Variants in PALS1 observed in about 807,000 individuals in gnomAD.
The protein encoded by PALS1 is protein PALS1.
In PALS1, 31 loss-of-function variants were observed where a neutral mutation model predicts 78.9. That is an observed-to-expected ratio of 0.39 (90% CI 0.30 to 0.53). The LOEUF is 0.53. Among genes scored for constraint, PALS1 ranks in the 20% least tolerant of loss-of-function variants. PALS1 has a pLI of 0.67. For missense variants in PALS1, 704 were observed against 826.5 expected (o/e 0.85, Z 1.82); for synonymous variants, 276 against 270.9 (o/e 1.02, Z -0.18).
intron 9 of PALS1, among the ~76,000 whole-genome samples, chr14:67,313,570 A>G (rs2085126182): frequency 6.6e-6 from 1 of 152,210 alleles, no homozygotes; most frequent in African/African-American, 2.4e-5. Flanking sequence ...GAGCAGAACT[A>G]AGGGAAGTTT....
At chr14:67,306,033 C>T (rs985891681) in intron 8 of PALS1, among the ~76,000 whole-genome samples, 2 of 152,120 alleles carry the variant, frequency 1.3e-5, no homozygotes, top group African/African-American at 2.4e-5. Flanking sequence ...GCAGTGGCAC[C>T]ATCTGGGCTC....
chr14:67,281,480 T>C (rs758354208), intron 3 of PALS1, among the ~76,000 whole-genome samples: 8 of 152,166 alleles, frequency 5.3e-5, no homozygotes, highest in Non-Finnish European at 1.2e-4. Context: ...GATTGCTTCT[T>C]ACTAGCCTTC....
chr14:67,276,245 C>T (rs1304839842), intron 2 of PALS1, among the ~76,000 whole-genome samples: 1 of 151,988 alleles, frequency 6.6e-6, no homozygotes, highest in Non-Finnish European at 1.5e-5. Context: ...CTTGTCTTTC[C>T]AGTTTTATCA....
At chr14:67,270,660 G>A (rs1191022814) in intron 2 of PALS1, 1 of 150,420 alleles carries the variant, frequency 6.6e-6, no homozygotes, top group African/African-American at 2.5e-5. Context: ...CTTTTATGAT[G>A]TATATAGACT....
At chr14:67,242,674 G>GT (rs1026471071) in intron 1 of PALS1, among the ~76,000 whole-genome samples, 9 of 151,090 alleles carry the variant, frequency 6.0e-5, no homozygotes, top group Non-Finnish European at 8.9e-5. Flanking sequence ...TTGTGGATAG[G>GT]TTTTATAGGC....
chr14:67,326,476 T>C (rs2085360897), intron 14 of PALS1, among the ~76,000 whole-genome samples: 1 of 152,110 alleles, frequency 6.6e-6, no homozygotes, highest in African/African-American at 2.4e-5. Context: ...TTCTTTTACT[T>C]TGCTGAAGTA....
chr14:67,279,054 G>T lies in PALS1; in HGVS notation c.-117G>T. On this transcript the variant is annotated 5_prime_UTR_variant, in exon 3 of 15. The change abolishes an upstream ATG in the 5' untranslated region. Transcript: ENST00000261681. Reference sequence around the variant, plus strand: ...GGATACTTTTTCATAGCATTATTATGTGATGTGAGAAGTTTTTTTTTTTGA... The same window carrying T: ...GGATACTTTTTCATAGCATTATTATTTGATGTGAGAAGTTTTTTTTTTTGA... 14 of 941,948 alleles carry T rather than the reference G, an allele frequency of 1.5e-5. No individual in the cohort carries two copies. Among genetic ancestry groups the T allele is most frequent in the Admixed American group, 3.5e-5 (1 of 28,566 alleles). 58.3% of individuals were successfully genotyped at this position (941,948 alleles called of 1,614,324 possible).
At chr14:67,278,259 C>T (rs903211474) in intron 2 of PALS1, among the ~76,000 whole-genome samples, 55 of 151,954 alleles carry the variant, frequency 3.6e-4, no homozygotes, top group African/African-American at 1.3e-3. Context: ...AGGTCTCGAA[C>T]TCCCGACCTC....
intron 1 of PALS1, among the ~76,000 whole-genome samples, chr14:67,255,933 T>C (rs2084138518): frequency 6.6e-6 from 1 of 152,246 alleles, no homozygotes; most frequent in South Asian, 2.1e-4. Flanking sequence ...GTGATCCACA[T>C]GCTTTGGCCT....
At chr14:67,249,173 G>A (rs1441856520) in intron 1 of PALS1, among the ~76,000 whole-genome samples, 2 of 152,052 alleles carry the variant, frequency 1.3e-5, no homozygotes, top group African/African-American at 4.8e-5. Context: ...TATTGGCCAG[G>A]CTGGTCTTGA....
At chr14:67,314,818 T>C (rs2085143397) in intron 9 of PALS1, among the ~76,000 whole-genome samples, 1 of 152,228 alleles carries the variant, frequency 6.6e-6, no homozygotes, top group Non-Finnish European at 1.5e-5. Flanking sequence ...AGGCTGGCCC[T>C]GGTGGCTCAC....
intron 1 of PALS1, among the ~76,000 whole-genome samples, chr14:67,253,952 TA>T (rs1342024618): frequency 1.3e-5 from 2 of 151,002 alleles, no homozygotes; most frequent in African/African-American, 2.4e-5. Context: ...TTTGTGTTAA[TA>T]TTTTGTTTTG....
chr14:67,326,077 G>T (rs143730990), intron 14 of PALS1, among the ~76,000 whole-genome samples: 1,761 of 146,430 alleles, frequency 0.012, 18 homozygotes, highest in Middle Eastern at 0.018. Context: ...CAGCCTCCTC[G>T]GCCTCCCAAA....
intron 3 of PALS1, among the ~76,000 whole-genome samples, chr14:67,288,964 C>CTTTTT (rs36044460): frequency 1.9e-5 from 2 of 107,078 alleles, no homozygotes; most frequent in East Asian, 2.4e-4. Context: ...TCTTTATTTC[C>CTTTTT]TTTTTTTTTT....
chr14:67,327,588 C>T (rs1025885642), intron 14 of PALS1, among the ~76,000 whole-genome samples: 9 of 152,108 alleles, frequency 5.9e-5, no homozygotes, highest in South Asian at 2.1e-4. Flanking sequence ...GTGCTGCACC[C>T]GTTAACTCGT....
Position 67,332,996 on chromosome 14 carries a change from C to A in PALS1, c.*40C>A. ...CTGTGGCATGTTGGACTTGATCTGG[C>A]AAAAACTGCCAATAGGAGGACTGCC... On this transcript the variant is annotated 3_prime_UTR_variant, in exon 15 of 15. Transcript: ENST00000261681. 1.9e-6 allele frequency: 3 copies of A among 1,559,222 alleles called. No homozygotes were observed. The highest frequency in any genetic ancestry group is 2.6e-6 in the Non-Finnish European group (3 of 1,143,030).
chr14:67,303,606 GATTTTTAAATGTTC>G lies in PALS1; in HGVS notation c.1041+11_1041+24del, dbSNP rs2084959817. Reference sequence around the variant, plus strand: ...TCCTGCCAAGGAAACAGTAGTAAGTGATTTTTAAATGTTCATTATTTATGTGTTTGTGGATGCTG... The same window carrying G: ...TCCTGCCAAGGAAACAGTAGTAAGTGATTATTTATGTGTTTGTGGATGCTG... On this transcript the variant is annotated splice_region_variant and intron_variant, in intron 8 of 14. Transcript: ENST00000261681. The G allele has an allele frequency of 1.2e-6, 2 of 1,603,976 alleles. No individual in the cohort carries two copies. Among genetic ancestry groups the G allele is most frequent in the South Asian group, 2.2e-5 (2 of 90,864 alleles).
intron 1 of PALS1, among the ~76,000 whole-genome samples, chr14:67,259,740 T>G (rs780786325): frequency 1.1e-4 from 17 of 152,008 alleles, no homozygotes; most frequent in Non-Finnish European, 2.2e-4. Flanking sequence ...GAAGACTCCA[T>G]CTATACAAAA....
At chr14:67,308,125 G>A (rs1413001799) in intron 8 of PALS1, among the ~76,000 whole-genome samples, 1 of 151,816 alleles carries the variant, frequency 6.6e-6, no homozygotes, top group East Asian at 1.9e-4. Context: ...AGTAACTAAT[G>A]GGTACTAGGC....
Sources: allele counts gnomAD v4.1 joint callset (sites outside exome capture counted in the v4.1 genomes callset), GRCh38; gene constraint gnomAD v4.1.1; transcripts MANE v1.5; gene names NCBI Gene and HGNC (gene_info 2026-07-23, HGNC 2026-07-21).